BTBD9: variants seen among roughly 807,000 people sequenced by gnomAD.
The protein encoded by BTBD9 is BTB/POZ domain-containing protein 9.
BTBD9 carries 49 observed loss-of-function variants against 64.3 expected under a neutral mutation model. The observed-to-expected ratio is 0.76, with a 90% CI of 0.61 to 0.97. The LOEUF (loss-of-function observed/expected upper bound fraction) is 0.97. Ranked by LOEUF, BTBD9 falls within the 50% of genes least tolerant of loss-of-function variation. The pLI, the probability that BTBD9 is intolerant of heterozygous loss-of-function variation, is 0.00. For synonymous variants in BTBD9, 260 were observed against 274.7 expected (o/e 0.95, Z 0.53); for missense variants, 598 against 762.1 (o/e 0.78, Z 2.53).
chr6:38,486,155 T>C (rs1355168842), intron 6 of BTBD9, among the ~76,000 whole-genome samples: 1 of 152,166 alleles, frequency 6.6e-6, no homozygotes, highest in African/African-American at 2.4e-5. Flanking sequence ...CTTCACAGAA[T>C]TGAAGAGTTA....
In BTBD9 at chr6:38,556,743, G is replaced by A. The variant is rs148356668; in HGVS notation, c.1154+20857C>T. On this transcript the variant is annotated intron_variant, in intron 6 of 10. Transcript: ENST00000481247. ...TGTTTAAAAAGACCTTCGGCCGGGC[G>A]CGGTGGATCATGCCTGTAATCCCAG... Among the ~76,000 whole-genome samples the A allele has an allele frequency of 7.8e-3, 1,186 of 151,662 alleles. 17 individuals carry two copies. The highest frequency in any genetic ancestry group is 0.027 in the African/African-American group (1,108 of 41,326).
chr6:38,216,560 G>A (rs1439122916), intron 9 of BTBD9, among the ~76,000 whole-genome samples: 5 of 152,204 alleles, frequency 3.3e-5, no homozygotes, highest in Non-Finnish European at 7.3e-5. Context: ...GCAGGTTTAT[G>A]TCCCATCTCC....
chr6:38,266,605 G>GGAAAGGAAA (rs1764986686), intron 8 of BTBD9, among the ~76,000 whole-genome samples: 2 of 107,192 alleles, frequency 1.9e-5, no homozygotes, highest in Admixed American at 2.2e-4. Context: ...AGGAAAGAAA[G>GGAAAGGAAA]GAAAGAAAGA....
intron 7 of BTBD9, among the ~76,000 whole-genome samples, chr6:38,314,857 T>A (rs377644136): frequency 3.9e-5 from 6 of 152,172 alleles, no homozygotes; most frequent in South Asian, 2.1e-4. Context: ...TTAATTAATT[T>A]ATTTATTTTT....
intron 9 of BTBD9, among the ~76,000 whole-genome samples, chr6:38,205,156 GA>G (rs1762591094): frequency 2.0e-5 from 3 of 152,156 alleles, no homozygotes. Context: ...GAGAAAATAT[GA>G]GCTAGGAAAG....
rs141611817 is a variant in BTBD9, at chr6:38,347,174, T to C, written c.1155-2081A>G. Among the ~76,000 whole-genome samples the C allele has an allele frequency of 3.8e-3, 582 of 152,284 alleles. 3 individuals carry two copies. Among genetic ancestry groups the C allele is most frequent in the Non-Finnish European group, 5.8e-3 (392 of 68,024 alleles). ...TGCAAACATTAGGAATGCGAGAAAATGTGCAACCCTCCCCTCCTTTGCCCC... is the reference window on the plus strand; with the variant it reads ...TGCAAACATTAGGAATGCGAGAAAACGTGCAACCCTCCCCTCCTTTGCCCC... On this transcript the variant is annotated intron_variant, in intron 6 of 10. Coordinates refer to ENST00000481247, the MANE Select transcript of BTBD9 (RefSeq NM_001099272.2).
chr6:38,186,996 C>A (rs1761846911), intron 10 of BTBD9, among the ~76,000 whole-genome samples: 1 of 152,176 alleles, frequency 6.6e-6, no homozygotes, highest in Admixed American at 6.5e-5. Context: ...AACATCACTG[C>A]CTGATTTTCA....
rs1270283693 is a variant in BTBD9 at position 38,184,844 on chromosome 6, T to A, written c.1641+7675A>T. Among the ~76,000 whole-genome samples the A allele has an allele frequency of 6.6e-6, 1 of 152,036 alleles. No individual in the cohort carries two copies. The highest frequency in any genetic ancestry group is 1.5e-5 in the Non-Finnish European group (1 of 68,010). The stretch of plus-strand genomic sequence containing the variant: ...CCACATGTTGCTATGGGAACGAGGG[T>A]GGCATGGGAGCCCAGAGCCACTCAC... On this transcript the variant is annotated intron_variant, in intron 10 of 10. Coordinates refer to ENST00000481247, the MANE Select transcript of BTBD9 (RefSeq NM_001099272.2). This position sits in a 1 kb window ranked among gnomAD's most constrained non-coding sequence, Gnocchi z 4.4.
At position 38,551,123 on chromosome 6, in the gene BTBD9, T is replaced by C. The variant is rs1035233123; in HGVS notation, c.1154+26477A>G. 2.9e-5 allele frequency among the ~76,000 whole-genome samples: 4 copies of C among 139,820 alleles called. No individual in the cohort carries two copies. The East Asian group carries it at 7.7e-4, about 27-fold the overall frequency. The allele number at this position is 139,820 out of a possible 152,430, so 91.7% of individuals were successfully genotyped here. ...CCCACCCCATAAACATCCTCTTCCC[T>C]GCTTTATTTATTTTGTTGTCTCTCT... On this transcript the variant is annotated intron_variant, in intron 6 of 10. Transcript: ENST00000481247.
At chr6:38,353,435 G>T (rs189197937) in intron 6 of BTBD9, among the ~76,000 whole-genome samples, 2 of 151,576 alleles carry the variant, frequency 1.3e-5, no homozygotes, top group Admixed American at 6.6e-5. Context: ...AAAAGGGAGG[G>T]GGATAGAGAA....
intron 6 of BTBD9, among the ~76,000 whole-genome samples, chr6:38,528,860 T>A (rs1467661303): frequency 6.6e-6 from 1 of 152,020 alleles, no homozygotes; most frequent in Non-Finnish European, 1.5e-5. Context: ...CATTCCCAGC[T>A]GTGGTGGATA....
intron 9 of BTBD9, among the ~76,000 whole-genome samples, chr6:38,204,725 G>T (rs891652016): frequency 7.2e-5 from 11 of 151,970 alleles, no homozygotes; most frequent in Admixed American, 6.6e-4. Context: ...CAATAAAGCT[G>T]TTTAAAATGT....
intron 8 of BTBD9, among the ~76,000 whole-genome samples, chr6:38,257,184 C>T (rs755025677): frequency 7.4e-5 from 11 of 148,526 alleles, no homozygotes; most frequent in Non-Finnish European, 1.2e-4. Flanking sequence ...ATTATAGGTG[C>T]GAGCCACCGT....
chr6:38,485,132 T>C (rs1771337512), intron 6 of BTBD9, among the ~76,000 whole-genome samples: 1 of 152,202 alleles, frequency 6.6e-6, no homozygotes, highest in African/African-American at 2.4e-5. Context: ...CACTGCATCT[T>C]CACCAGGAGT....
At chr6:38,436,998 G>T (rs1050131477) in intron 6 of BTBD9, among the ~76,000 whole-genome samples, 1 of 152,160 alleles carries the variant, frequency 6.6e-6, no homozygotes, top group Non-Finnish European at 1.5e-5. Context: ...TCTAAAGCAA[G>T]CCAGTTTTTC....
At chr6:38,193,824 C>T (rs1762183145) in intron 9 of BTBD9, 1 of 985,436 alleles carries the variant, frequency 1.0e-6, no homozygotes, top group African/African-American at 1.7e-5. Context: ...GTTTTTCCCC[C>T]TTTGGTTTCA....
At chr6:38,386,630 C>CCT (rs1766180379) in intron 6 of BTBD9, among the ~76,000 whole-genome samples, 1 of 92,782 alleles carries the variant, frequency 1.1e-5, no homozygotes, top group African/African-American at 4.5e-5. Flanking sequence ...CCAGTTTACT[C>CCT]TTTTTTTTTT....
intron 6 of BTBD9, among the ~76,000 whole-genome samples, chr6:38,412,657 G>C (rs973936559): frequency 6.6e-5 from 10 of 151,966 alleles, no homozygotes; most frequent in Middle Eastern, 3.5e-3. Flanking sequence ...TCAGGAGTTT[G>C]AGACCAGCCT....
intron 7 of BTBD9, among the ~76,000 whole-genome samples, chr6:38,307,879 C>A (rs1218510687): frequency 6.6e-6 from 1 of 152,168 alleles, no homozygotes; most frequent in Non-Finnish European, 1.5e-5. Context: ...CTAAACACTT[C>A]AGAGGAAGTG....
Sources: allele counts gnomAD v4.1 joint callset (sites outside exome capture counted in the v4.1 genomes callset), GRCh38; gene constraint gnomAD v4.1.1; non-coding constraint Gnocchi (gnomAD v3.1); transcripts MANE v1.5; gene names NCBI Gene and HGNC (gene_info 2026-07-23, HGNC 2026-07-21).